OPA1: variants seen among roughly 807,000 people sequenced by gnomAD.
OPA1 encodes dynamin-like GTPase OPA1, mitochondrial.
OPA1 carries 59 observed loss-of-function variants against 152.9 expected under a neutral mutation model. The observed-to-expected ratio is 0.39, with a 90% CI of 0.31 to 0.48. OPA1 has a LOEUF of 0.48. Among genes scored for constraint, OPA1 ranks in the 20% least tolerant of loss-of-function variants. The pLI is 0.96. For synonymous variants in OPA1, 400 were observed against 389.9 expected (o/e 1.03, Z -0.31); for missense variants, 1,008 against 1,216.8 (o/e 0.83, Z 2.55).
In OPA1 at chr3:193,617,831, T is replaced by C; in HGVS notation, c.604T>C (p.Leu202=). Residue 202 remains leucine, a synonymous_variant, in exon 5 of 31, where the codon TTG becomes CTG. Transcript: ENST00000361510. ...CATAGGAGCTTCTGACCTACTTCTC[T>C]TGTTAGGTGTGTAAACAGACATTTT... ...EVIGASDLLL[L]LGSPEETAFR... 4.3e-6 allele frequency: 7 copies of C among 1,611,018 alleles called. No homozygotes were observed. The highest frequency in any genetic ancestry group is 5.9e-6 in the Non-Finnish European group (7 of 1,177,408).
chr3:193,680,415 A>G (rs1023885666), intron 29 of OPA1, among the ~76,000 whole-genome samples: 1 of 152,192 alleles, frequency 6.6e-6, no homozygotes, highest in Non-Finnish European at 1.5e-5. Flanking sequence ...CCAGTCATGC[A>G]GTTACAATCT....
At chr3:193,683,826 C>T (rs1577391365) in intron 29 of OPA1, among the ~76,000 whole-genome samples, 1 of 152,154 alleles carries the variant, frequency 6.6e-6, no homozygotes, top group Admixed American at 6.5e-5. Flanking sequence ...ATACTGTAAA[C>T]GTAACTTAAA....
At chr3:193,683,620 G>T (rs543042852) in intron 29 of OPA1, among the ~76,000 whole-genome samples, 1 of 152,066 alleles carries the variant, frequency 6.6e-6, no homozygotes, top group Non-Finnish European at 1.5e-5. Flanking sequence ...CATAGCCACC[G>T]TAACCTGCAA....
chr3:193,602,044 T>C (rs1726544694), intron 1 of OPA1, among the ~76,000 whole-genome samples: 1 of 152,030 alleles, frequency 6.6e-6, no homozygotes. Context: ...AGGAAAGGAT[T>C]AGGGAAAAAA....
chr3:193,625,434 C>T (rs1477464209), intron 6 of OPA1, among the ~76,000 whole-genome samples: 1 of 151,890 alleles, frequency 6.6e-6, no homozygotes, highest in Non-Finnish European at 1.5e-5. Flanking sequence ...GTTGTCAAAA[C>T]AGCTCATAAA....
chr3:193,668,793 T>G, intron 29 of OPA1: 1 of 1,181,118 alleles, frequency 8.5e-7, no homozygotes, highest in Non-Finnish European at 1.1e-6. Context: ...CTGTTTGGGG[T>G]TGATATTTGG....
chr3:193,639,480 A>G (rs1227273288), intron 11 of OPA1, among the ~76,000 whole-genome samples: 2 of 152,164 alleles, frequency 1.3e-5, no homozygotes, highest in African/African-American at 4.8e-5. Context: ...CAGCAAGGAG[A>G]ATAGCTGATG....
At position 193,662,846 on chromosome 3, in the gene OPA1, G is replaced by A; in HGVS notation, c.2545G>A (p.Glu849Lys). 6.2e-7 allele frequency: 1 copy of A among 1,613,334 alleles called. No homozygotes were observed. The highest frequency in any genetic ancestry group is 8.5e-7 in the Non-Finnish European group (1 of 1,179,416). ...GTGTGTTCACAATGAAACCAAGAAT[G>A]AATTGGAGAAGATGTTGAAATGTAA... The part of the protein sequence containing the change: ...EQCVHNETKN[E>K]LEKMLKCNEE... Residue 849 changes from glutamate to lysine, a missense_variant, in exon 26 of 31, where the codon GAA becomes AAA. Glu to Lys is a moderately conservative substitution (Grantham distance 56). Transcript: ENST00000361510.
At chr3:193,625,950 T>C in intron 6 of OPA1, 142 bp from the exon 7 acceptor site, 1 of 711,740 alleles carries the variant, frequency 1.4e-6, no homozygotes, top group Non-Finnish European at 2.6e-6. Context: ...AGCCCAAGGG[T>C]ATGACGGCTT....
intron 5 of OPA1, 69 bp from the exon 6 acceptor site, chr3:193,618,800 T>G: frequency 8.2e-7 from 1 of 1,226,076 alleles, no homozygotes; most frequent in South Asian, 1.2e-5. Context: ...TGACTCGATG[T>G]AATTTGAAAT....
At chr3:193,679,421 C>T (rs962946876) in intron 29 of OPA1, among the ~76,000 whole-genome samples, 1 of 152,014 alleles carries the variant, frequency 6.6e-6, no homozygotes, top group Non-Finnish European at 1.5e-5. Context: ...TTATGTAGTG[C>T]TTTATTTTAC....
chr3:193,678,784 T>G (rs1376448864), intron 29 of OPA1, among the ~76,000 whole-genome samples: 1 of 152,176 alleles, frequency 6.6e-6, no homozygotes, highest in Admixed American at 6.5e-5. Flanking sequence ...CCTTCCTTTG[T>G]GTGCTTGTGT....
chr3:193,659,598 A>G, intron 25 of OPA1, 37 bp downstream of exon 25: 1 of 1,545,522 alleles, frequency 6.5e-7, no homozygotes, highest in South Asian at 1.1e-5. Context: ...ATGATGATAT[A>G]ATTTTGTTCA....
chr3:193,672,461 A>G (rs1718136259), intron 29 of OPA1, among the ~76,000 whole-genome samples: 1 of 152,200 alleles, frequency 6.6e-6, no homozygotes, highest in African/African-American at 2.4e-5. Context: ...AATTGCCTGG[A>G]ACCCTTGTTC....
chr3:193,620,605 C>T (rs561211575), intron 6 of OPA1, among the ~76,000 whole-genome samples: 2 of 137,486 alleles, frequency 1.5e-5, no homozygotes, highest in African/African-American at 5.6e-5. Flanking sequence ...TTATTTTCCC[C>T]ATTAAAGACT....
chr3:193,670,922 T>G (rs1211815831), intron 29 of OPA1, among the ~76,000 whole-genome samples: 1 of 152,032 alleles, frequency 6.6e-6, no homozygotes, highest in African/African-American at 2.4e-5. Context: ...AAGGGAGTGC[T>G]TGAAAGATGA....
Position 193,609,936 on chromosome 3 carries a change from C to T in OPA1, c.33-4787C>T, listed in dbSNP as rs577688518. Among the ~76,000 whole-genome samples the T allele has an allele frequency of 2.6e-4, 13 of 49,966 alleles. No homozygotes were observed. The East Asian group carries it at 4.8e-3, about 18-fold the overall frequency. The allele number at this position is 49,966 out of a possible 152,430, so 32.8% of individuals were successfully genotyped here. On this transcript the variant is annotated intron_variant, in intron 1 of 30. Transcript: ENST00000361510. Reference sequence around the variant, plus strand: ...GCATTAGTTATTCTAGTTAGCCGTTCGTCGAATTTTTTTCAAGGTTTTTAA... The same window carrying T: ...GCATTAGTTATTCTAGTTAGCCGTTTGTCGAATTTTTTTCAAGGTTTTTAA...
intron 6 of OPA1, among the ~76,000 whole-genome samples, chr3:193,623,589 A>C (rs1028287123): frequency 2.6e-5 from 4 of 152,242 alleles, no homozygotes; most frequent in Non-Finnish European, 1.5e-5. Context: ...GGAGATATTA[A>C]GAGACTATAT....
At chr3:193,603,208 C>T (rs1419778796) in intron 1 of OPA1, among the ~76,000 whole-genome samples, 1 of 152,218 alleles carries the variant, frequency 6.6e-6, no homozygotes, top group East Asian at 1.9e-4. Flanking sequence ...TCAGGAAGGA[C>T]CAGGCGGCCG....
Sources: gnomAD v4.1 joint callset for allele counts (sites outside exome capture counted in the v4.1 genomes callset) on GRCh38, gnomAD v4.1.1 for gene constraint, MANE v1.5 for transcripts, NCBI Gene and HGNC (gene_info 2026-07-23, HGNC 2026-07-21) for gene names.